The following CLASP2 variants were observed in gnomAD, a reference collection of about 807,000 sequenced individuals.
CLASP2 encodes the protein cytoplasmic linker associated protein 2, also known as CLIP-associating protein 2.
CLASP2 carries 47 observed loss-of-function variants against 194.4 expected under a neutral mutation model. The ratio of observed to expected loss-of-function variants is 0.24; its 90% CI spans 0.19 to 0.31. The LOEUF (loss-of-function observed/expected upper bound fraction) is 0.31. Among genes scored for constraint, CLASP2 ranks in the 10% least tolerant of loss-of-function variants. The pLI is 1.00. For missense variants in CLASP2, 1,445 were observed against 1,823.6 expected (o/e 0.79, Z 3.78); for synonymous variants, 619 against 633.5 (o/e 0.98, Z 0.34).
At position 33,590,006 on chromosome 3, in the gene CLASP2, T is replaced by C. The variant is rs925108982; in HGVS notation, c.2068+2389A>G. 2.0e-4 allele frequency among the ~76,000 whole-genome samples: 30 copies of C among 152,102 alleles called. 1 individual carries two copies. The highest frequency in any genetic ancestry group is 3.4e-4 in the Non-Finnish European group (23 of 67,970). On this transcript the variant is annotated intron_variant, in intron 21 of 38. Coordinates refer to ENST00000682230, the MANE Select transcript of CLASP2 (RefSeq NM_001365631.1). ...ACTGAAGGCAGTAAGAATAACAAGG[T>C]ACAGAAGTACACAAAAGCAGTCTAA...
At chr3:33,676,507 A>G (rs1344073154) in intron 6 of CLASP2, among the ~76,000 whole-genome samples, 1 of 150,916 alleles carries the variant, frequency 6.6e-6, no homozygotes, top group Non-Finnish European at 1.5e-5. Flanking sequence ...CATATGGAGA[A>G]AGCTGAAACT....
chr3:33,644,426 A>G, intron 8 of CLASP2: 1 of 310,154 alleles, frequency 3.2e-6, no homozygotes, highest in Non-Finnish European at 6.2e-6. Flanking sequence ...TGCACTTGAA[A>G]ATTAGTAGCC....
chr3:33,642,144 C>T (rs945881792), intron 8 of CLASP2, among the ~76,000 whole-genome samples: 2 of 151,842 alleles, frequency 1.3e-5, no homozygotes, highest in African/African-American at 4.8e-5. Flanking sequence ...CTGGAAAATA[C>T]TTTGCCAAAC....
At chr3:33,658,838 A>T in intron 7 of CLASP2, 2 of 721,790 alleles carry the variant, frequency 2.8e-6, no homozygotes, top group South Asian at 3.9e-5. Flanking sequence ...ATGTACACAC[A>T]AGTGTACACA....
chr3:33,679,994 T>C (rs183748073), intron 6 of CLASP2, among the ~76,000 whole-genome samples: 9 of 152,158 alleles, frequency 5.9e-5, no homozygotes, highest in Non-Finnish European at 1.3e-4. Flanking sequence ...TGTCCCACAG[T>C]AGAATGGAAA....
chr3:33,513,461 G>C (rs908600844), intron 36 of CLASP2, among the ~76,000 whole-genome samples: 1 of 152,090 alleles, frequency 6.6e-6, no homozygotes, highest in African/African-American at 2.4e-5. Flanking sequence ...GAACTCAGGA[G>C]GCAAGGGTTG....
intron 1 of CLASP2, among the ~76,000 whole-genome samples, chr3:33,712,344 G>A (rs774972848): frequency 6.6e-6 from 1 of 152,016 alleles, no homozygotes; most frequent in Non-Finnish European, 1.5e-5. Context: ...TAAACTTTGG[G>A]GATTCAAGGG....
chr3:33,542,628 T>C (rs1012806055), intron 32 of CLASP2, among the ~76,000 whole-genome samples: 2 of 148,552 alleles, frequency 1.3e-5, no homozygotes, highest in Non-Finnish European at 3.0e-5. Flanking sequence ...ATGTTATATA[T>C]GTAATTCATT....
Position 33,535,339 on chromosome 3 carries a change from G to C in CLASP2, c.3681C>G (p.Arg1227=), listed in dbSNP as rs779555231. 6.2e-7 allele frequency: 1 copy of C among 1,613,754 alleles called. No homozygotes were observed. The highest frequency in any genetic ancestry group is 8.5e-7 in the Non-Finnish European group (1 of 1,179,832). The change falls in exon 34 of 39, where the codon CGC becomes CGG. Residue 1227 remains arginine, a synonymous_variant. Transcript: ENST00000682230. The part of the protein sequence containing the change: ...LHSMPTHSSP[R]SRDYNPYNYS... ...AGTTATATGGATTATAGTCTCGAGA[G>C]CGTGGAGAGGAGTGAGTAGGCATTG... is the stretch of plus-strand genomic sequence containing the variant.
chr3:33,632,131 T>C (rs566704214), intron 9 of CLASP2, among the ~76,000 whole-genome samples, 161 bp downstream of exon 9: 1 of 152,292 alleles, frequency 6.6e-6, no homozygotes, highest in South Asian at 2.1e-4. Context: ...CACTTGAAAA[T>C]CTAATTGTAC....
intron 23 of CLASP2, among the ~76,000 whole-genome samples, chr3:33,580,590 G>T (rs1576713245): frequency 6.6e-6 from 1 of 151,774 alleles, no homozygotes; most frequent in African/African-American, 2.4e-5. Context: ...AACAATGAAA[G>T]AAATTCTATA....
At chr3:33,678,683 CA>C (rs2089275591) in intron 6 of CLASP2, among the ~76,000 whole-genome samples, 1 of 151,810 alleles carries the variant, frequency 6.6e-6, no homozygotes, top group Non-Finnish European at 1.5e-5. Context: ...GTCAAAAACT[CA>C]GATCTACATA....
intron 1 of CLASP2, among the ~76,000 whole-genome samples, chr3:33,708,514 A>ATG (rs1156494441): frequency 1.7e-5 from 2 of 115,930 alleles, no homozygotes; most frequent in South Asian, 2.8e-4. Flanking sequence ...ATGTATATAT[A>ATG]TGTATATATG....
rs370718492 is a variant in CLASP2, at chr3:33,544,791, A to C, written c.3204T>G (p.Phe1068Leu). The C allele has an allele frequency of 6.8e-6, 11 of 1,613,296 alleles. No homozygotes were observed. Among genetic ancestry groups the C allele is most frequent in the African/African-American group, 1.3e-5 (1 of 74,910 alleles). Reference protein sequence around the residue: ...ISLFELNTPEFTMLLGALPKT... With the variant: ...ISLFELNTPELTMLLGALPKT... ...TTGGTAAAGCTCCTAATAACATTGT[A>C]AACTCTGGGGTATTGAGTTCAAATA... The change falls in exon 31 of 39, where the codon TTT (phenylalanine) becomes TTG (leucine). Residue 1068 changes from phenylalanine to leucine, a missense_variant. Around this residue, in one of 4 missense-constraint regions of CLASP2, gnomAD observed 732 missense variants for 987.9 expected, o/e 0.74. Transcript: ENST00000682230.
chr3:33,543,177 G>T (rs186151956), intron 32 of CLASP2, among the ~76,000 whole-genome samples: 1 of 151,992 alleles, frequency 6.6e-6, no homozygotes, highest in Non-Finnish European at 1.5e-5. Context: ...GTTTGTGACC[G>T]GCCTGGCCAA....
chr3:33,622,624 T>C (rs1052042559), intron 10 of CLASP2, among the ~76,000 whole-genome samples: 2 of 152,170 alleles, frequency 1.3e-5, no homozygotes, highest in African/African-American at 4.8e-5. Flanking sequence ...GAGTTTTTCT[T>C]TTAATTGTGG....
chr3:33,503,755 A>G (rs2047400479), intron 37 of CLASP2: 1 of 152,124 alleles, frequency 6.6e-6, no homozygotes, highest in Non-Finnish European at 1.5e-5. Flanking sequence ...AGGAACTGCC[A>G]AACTGCATTC....
At chr3:33,604,318 T>TTA in intron 16 of CLASP2, 109 bp from the exon 17 acceptor site, 6 of 775,170 alleles carry the variant, frequency 7.7e-6, no homozygotes, top group Admixed American at 2.6e-5. Flanking sequence ...TATTTCTTTT[T>TTA]TCTTTTTTTT....
chr3:33,527,734 G>T (rs2154121067), intron 34 of CLASP2, among the ~76,000 whole-genome samples: 1 of 152,228 alleles, frequency 6.6e-6, no homozygotes, highest in South Asian at 2.1e-4. Context: ...GGCTGAGGCA[G>T]GCAGATCACC....
Sources: gnomAD v4.1 joint callset for allele counts (sites outside exome capture counted in the v4.1 genomes callset) on GRCh38, gnomAD v4.1.1 for gene constraint, gnomAD v4.1.1 regional missense constraint, MANE v1.5 for transcripts, NCBI Gene and HGNC (gene_info 2026-07-23, HGNC 2026-07-21) for gene names.